Variants in MAGI1 observed in about 807,000 individuals in gnomAD.
MAGI1 encodes the protein membrane-associated guanylate kinase, WW and PDZ domain-containing protein 1.
In MAGI1, 58 loss-of-function variants were observed where a neutral mutation model predicts 139.9. The ratio of observed to expected loss-of-function variants is 0.41; its 90% CI spans 0.34 to 0.52. The LOEUF (loss-of-function observed/expected upper bound fraction) is 0.52, where lower values mean the gene tolerates loss of function less well. Among genes scored for constraint, MAGI1 ranks in the 20% least tolerant of loss-of-function variants. The pLI, the probability that MAGI1 is intolerant of heterozygous loss-of-function variation, is 0.12. For synonymous variants in MAGI1, 812 were observed against 737.9 expected (o/e 1.10, Z -1.63); for missense variants, 1,874 against 1,901.6 (o/e 0.99, Z 0.27).
intron 1 of MAGI1, among the ~76,000 whole-genome samples, chr3:65,719,383 T>C (rs1218176251): frequency 1.3e-5 from 2 of 151,844 alleles, no homozygotes; most frequent in Non-Finnish European, 2.9e-5. Flanking sequence ...TTAATGTATA[T>C]ATATTTTAAA....
intron 2 of MAGI1, chr3:65,609,720 A>T: frequency 4.0e-6 from 1 of 251,154 alleles, no homozygotes; most frequent in Non-Finnish European, 8.4e-6. Flanking sequence ...GAATTGCTAG[A>T]ACTGCAGGTG....
chr3:65,904,640 C>T (rs771075102), intron 1 of MAGI1, among the ~76,000 whole-genome samples: 1 of 152,198 alleles, frequency 6.6e-6, no homozygotes, highest in South Asian at 2.1e-4. Context: ...CTATCTCTGG[C>T]TTTCTCATTC....
chr3:65,598,002 G>T (rs372422832), intron 2 of MAGI1: 1 of 437,976 alleles, frequency 2.3e-6, no homozygotes, highest in South Asian at 1.6e-5. Context: ...GCGGTTTTTC[G>T]AGGGAAGAGG....
intron 2 of MAGI1, among the ~76,000 whole-genome samples, chr3:65,589,979 T>C (rs760175181): frequency 3.5e-4 from 53 of 152,158 alleles, no homozygotes; most frequent in Admixed American, 3.3e-4. Flanking sequence ...AATTGCACAC[T>C]CAACGATCCA....
At chr3:65,821,397 C>T (rs113164816) in intron 1 of MAGI1, among the ~76,000 whole-genome samples, 4,032 of 152,210 alleles carry the variant, frequency 0.026, 96 homozygotes, top group Middle Eastern at 0.034. Context: ...ATATAATTAA[C>T]GTCCACGTCT....
Position 65,734,071 on chromosome 3 carries a change from C to A in MAGI1, c.314-111983G>T, listed in dbSNP as rs140558784. ...TTATCTTTCTCAAAAAGAAGAACAT[C>A]GTCTCAGTCGATTTTTCCCATGGCT... On this transcript the variant is annotated intron_variant, in intron 1 of 22. Coordinates refer to ENST00000402939, the MANE Select transcript of MAGI1 (RefSeq NM_001033057.2). Among the ~76,000 whole-genome samples the A allele has an allele frequency of 4.2e-3, 640 of 152,284 alleles. 3 individuals are homozygous for A. The highest frequency in any genetic ancestry group is 0.015 in the African/African-American group (611 of 41,560).
intron 1 of MAGI1, among the ~76,000 whole-genome samples, chr3:66,028,767 T>C (rs1490588841): frequency 1.3e-5 from 2 of 152,108 alleles, no homozygotes; most frequent in Non-Finnish European, 2.9e-5. Context: ...TCCGGAGGCT[T>C]CCTTCCTACT....
intron 2 of MAGI1, among the ~76,000 whole-genome samples, chr3:65,607,379 CTT>C (rs2082800851): frequency 6.6e-6 from 1 of 151,958 alleles, no homozygotes; most frequent in Non-Finnish European, 1.5e-5. Context: ...GCAGGCAATG[CTT>C]CTGTTAACAG....
At chr3:65,405,017 T>C (rs1198798020) in intron 12 of MAGI1, among the ~76,000 whole-genome samples, 1 of 151,910 alleles carries the variant, frequency 6.6e-6, no homozygotes, top group Non-Finnish European at 1.5e-5. Context: ...CCATTCAGGG[T>C]AAGGAAGGGG....
rs2059329800 is a variant in MAGI1, at chr3:65,855,117, C to A, written c.313+182879G>T. ...AAAACCTGCCCAAATCCGTGGGGGGCGGGGGTGAGTTTACAGCCTGAAGCA... is the reference window on the plus strand; with the variant it reads ...AAAACCTGCCCAAATCCGTGGGGGGAGGGGGTGAGTTTACAGCCTGAAGCA... On this transcript the variant is annotated intron_variant, in intron 1 of 22. Coordinates refer to ENST00000402939, the MANE Select transcript of MAGI1 (RefSeq NM_001033057.2). Among the ~76,000 whole-genome samples, 4 of 151,936 alleles carry A rather than the reference C, an allele frequency of 2.6e-5. 1 individual carries two copies. In the South Asian group the frequency reaches 8.3e-4, roughly 32 times the overall value.
At chr3:65,892,833 A>G (rs1159370193) in intron 1 of MAGI1, among the ~76,000 whole-genome samples, 1 of 152,220 alleles carries the variant, frequency 6.6e-6, no homozygotes, top group African/African-American at 2.4e-5. Flanking sequence ...TAACAATGAC[A>G]GGAAATAGGA....
At chr3:65,855,596 T>C (rs1359217121) in intron 1 of MAGI1, among the ~76,000 whole-genome samples, 1 of 4,128 alleles carries the variant, frequency 2.4e-4, no homozygotes, top group Admixed American at 3.0e-3. Flanking sequence ...AGTAAGACCT[T>C]GGAGGAGACG....
chr3:65,732,646 C>CT (rs1275168780), intron 1 of MAGI1, among the ~76,000 whole-genome samples: 1 of 152,286 alleles, frequency 6.6e-6, no homozygotes, highest in Admixed American at 6.5e-5. Flanking sequence ...ATATACAAAA[C>CT]TCTTTTGAGA....
At position 65,430,717 on chromosome 3, in the gene MAGI1, C is replaced by T; in HGVS notation, c.1528G>A (p.Asp510Asn). The stretch of plus-strand genomic sequence containing the variant: ...ACGCTACCTGTTTCCATCTTGCCAT[C>T]CAATGCAGCAGGACCATCTAGGACC... The part of the protein sequence containing the change: ...SLVLDGPAAL[D>N]GKMETGDVIV... Residue 510 changes from aspartate (D) to asparagine (N), a missense_variant, in exon 11 of 23, where the codon GAT (aspartate) becomes AAT (asparagine). By Grantham distance (23) the Asp-to-Asn change is conservative. Transcript: ENST00000402939. 1 of 1,613,444 alleles carries T rather than the reference C, an allele frequency of 6.2e-7. No individual in the cohort carries two copies. The highest frequency in any genetic ancestry group is 1.3e-5 in the African/African-American group (1 of 74,966).
intron 1 of MAGI1, chr3:65,688,001 G>A (rs563404143): frequency 2.4e-5 from 20 of 828,722 alleles, no homozygotes; most frequent in South Asian, 1.7e-4. Flanking sequence ...TGAGGGTTTC[G>A]TTTTCCTGGC....
chr3:65,762,568 C>T (rs1431481091), intron 1 of MAGI1, among the ~76,000 whole-genome samples: 1 of 152,116 alleles, frequency 6.6e-6, no homozygotes, highest in Non-Finnish European at 1.5e-5. Context: ...TTTGTTCATT[C>T]ACTGGAGAAT....
At chr3:65,866,742 A>C (rs1462013146) in intron 1 of MAGI1, among the ~76,000 whole-genome samples, 2 of 152,128 alleles carry the variant, frequency 1.3e-5, no homozygotes, top group African/African-American at 4.8e-5. Context: ...CTGTCTTCTA[A>C]GTTTGATTGT....
intron 1 of MAGI1, among the ~76,000 whole-genome samples, chr3:65,695,282 G>A (rs1559795103): frequency 6.6e-6 from 1 of 152,186 alleles, no homozygotes. Flanking sequence ...ACAAAGTTCG[G>A]CCTGATTCAG....
At chr3:66,022,030 C>G (rs999054945) in intron 1 of MAGI1, among the ~76,000 whole-genome samples, 1 of 152,096 alleles carries the variant, frequency 6.6e-6, no homozygotes, top group African/African-American at 2.4e-5. Context: ...AGCCTTTTCC[C>G]GAATGTCTCT....
Sources: allele counts gnomAD v4.1 joint callset (sites outside exome capture counted in the v4.1 genomes callset), GRCh38; gene constraint gnomAD v4.1.1; transcripts MANE v1.5; gene names NCBI Gene and HGNC (gene_info 2026-07-23, HGNC 2026-07-21).